The following DSCAM variants were observed in gnomAD, a reference collection of about 807,000 sequenced individuals.
DSCAM encodes the protein cell adhesion molecule DSCAM.
DSCAM carries 47 observed loss-of-function variants against 217.7 expected under a neutral mutation model. That is an observed-to-expected ratio of 0.22 (90% CI 0.17 to 0.28). The LOEUF (loss-of-function observed/expected upper bound fraction) is 0.28. DSCAM is among the 10% of genes least tolerant of loss of function. The pLI, the probability that DSCAM is intolerant of heterozygous loss-of-function variation, is 1.00. For missense variants in DSCAM, 2,080 were observed against 2,618.3 expected, an observed-to-expected ratio of 0.79 and a Z score of 4.49; for synonymous variants, 1,056 against 1,015.3, an observed-to-expected ratio of 1.04 and a Z score of -0.76.
chr21:40,420,521 T>C lies in DSCAM; in HGVS notation c.509-51276A>G, dbSNP rs151133140. Among the ~76,000 whole-genome samples the C allele has an allele frequency of 1.7e-3, 254 of 151,330 alleles. 1 individual carries two copies. Among genetic ancestry groups the C allele is most frequent in the Middle Eastern group, 6.8e-3 (2 of 292 alleles). ...GCAGGAAGGTCAGGATTCAGGAGAGTTGGTTTGAACCAAGTATCTATGGTG... is the reference window on the plus strand; with the variant it reads ...GCAGGAAGGTCAGGATTCAGGAGAGCTGGTTTGAACCAAGTATCTATGGTG... On this transcript the variant is annotated intron_variant, in intron 3 of 32. Coordinates refer to ENST00000400454, the MANE Select transcript of DSCAM (RefSeq NM_001389.5).
chr21:40,316,156 A>C (rs1248447326), intron 8 of DSCAM, among the ~76,000 whole-genome samples: 2 of 152,256 alleles, frequency 1.3e-5, no homozygotes, highest in African/African-American at 4.8e-5. Flanking sequence ...TGGTTAAAAT[A>C]AATATTAAAG....
chr21:40,078,061 T>A (rs2089394202), intron 26 of DSCAM, among the ~76,000 whole-genome samples: 1 of 152,160 alleles, frequency 6.6e-6, no homozygotes, highest in South Asian at 2.1e-4. Flanking sequence ...CCAGAAAAAA[T>A]GAGTGAGATT....
At chr21:40,530,761 C>T (rs181873373) in intron 3 of DSCAM, among the ~76,000 whole-genome samples, 13 of 152,242 alleles carry the variant, frequency 8.5e-5, no homozygotes, top group Admixed American at 2.0e-4. Context: ...TTCCACCACC[C>T]ACCCCATCGC....
At chr21:40,827,313 T>A (rs990979478) in intron 1 of DSCAM, among the ~76,000 whole-genome samples, 11 of 150,700 alleles carry the variant, frequency 7.3e-5, no homozygotes, top group Non-Finnish European at 1.5e-5. Context: ...TGCAAAAAAA[T>A]TAAAAATTAG....
intron 1 of DSCAM, among the ~76,000 whole-genome samples, chr21:40,790,245 A>C (rs2091629759): frequency 6.8e-6 from 1 of 146,998 alleles, no homozygotes; most frequent in African/African-American, 2.5e-5. Context: ...GCAGTGGCGC[A>C]ATCTCGGCTC....
At chr21:40,245,027 C>T (rs922549765) in intron 11 of DSCAM, among the ~76,000 whole-genome samples, 4 of 152,160 alleles carry the variant, frequency 2.6e-5, no homozygotes, top group Admixed American at 6.5e-5. Flanking sequence ...TCCTGCTTCC[C>T]CCAGTCACCT....
At chr21:40,521,778 C>T (rs994470401) in intron 3 of DSCAM, among the ~76,000 whole-genome samples, 6 of 152,010 alleles carry the variant, frequency 3.9e-5, no homozygotes, top group African/African-American at 1.5e-4. Context: ...GAAGTGCTGG[C>T]GTTCTGTTGC....
intron 1 of DSCAM, among the ~76,000 whole-genome samples, chr21:40,733,153 G>A (rs1180512333): frequency 6.6e-6 from 1 of 152,210 alleles, no homozygotes; most frequent in Non-Finnish European, 1.5e-5. Context: ...AAAAGGCCAG[G>A]TAGTTGCTGC....
At chr21:40,703,621 T>C (rs757312483) in intron 2 of DSCAM, among the ~76,000 whole-genome samples, 5 of 152,238 alleles carry the variant, frequency 3.3e-5, no homozygotes, top group South Asian at 2.1e-4. Flanking sequence ...GTGTGTAATA[T>C]GCCTTTCTTC....
At chr21:40,122,784 C>T (rs2090048950) in intron 20 of DSCAM, among the ~76,000 whole-genome samples, 1 of 152,146 alleles carries the variant, frequency 6.6e-6, no homozygotes, top group Admixed American at 6.5e-5. Context: ...GTAGAGAACA[C>T]ACCTTGCTTT....
At chr21:40,781,992 CAAAAAAAAA>C (rs57750960) in intron 1 of DSCAM, among the ~76,000 whole-genome samples, 3 of 106,400 alleles carry the variant, frequency 2.8e-5, no homozygotes, top group South Asian at 6.9e-4. Context: ...ACTAAAAATA[CAAAAAAAAA>C]AAAAAAAAAG....
chr21:40,701,866 T>A (rs2090660279), intron 2 of DSCAM, among the ~76,000 whole-genome samples: 1 of 152,160 alleles, frequency 6.6e-6, no homozygotes. Flanking sequence ...TATTAGTAAA[T>A]GTCTGTGTGT....
chr21:40,339,436 G>A, intron 6 of DSCAM, 21 bp from the exon 7 acceptor site: 1 of 1,572,926 alleles, frequency 6.4e-7, no homozygotes, highest in Non-Finnish European at 8.6e-7. Context: ...ACAAATTATG[G>A]AAGAAAGTGG....
chr21:40,108,537 T>C (rs2089851961), intron 20 of DSCAM, among the ~76,000 whole-genome samples: 1 of 152,224 alleles, frequency 6.6e-6, no homozygotes, highest in African/African-American at 2.4e-5. Flanking sequence ...TTCATGCTCA[T>C]GAATAGGAAG....
intron 1 of DSCAM, among the ~76,000 whole-genome samples, chr21:40,778,149 T>C (rs569042146): frequency 1.3e-5 from 2 of 152,216 alleles, no homozygotes; most frequent in Admixed American, 1.3e-4. Flanking sequence ...CTAAAGGATA[T>C]GCTTCAAGAA....
intron 3 of DSCAM, among the ~76,000 whole-genome samples, chr21:40,456,010 G>T (rs1050241628): frequency 6.6e-6 from 1 of 151,998 alleles, no homozygotes; most frequent in East Asian, 1.9e-4. Flanking sequence ...AATGGGTGCA[G>T]CACACCAACA....
At chr21:40,594,365 G>A (rs1032387964) in intron 3 of DSCAM, among the ~76,000 whole-genome samples, 2 of 152,140 alleles carry the variant, frequency 1.3e-5, no homozygotes, top group East Asian at 1.9e-4. Flanking sequence ...TCACAATAGC[G>A]GACAGGAACC....
rs547703925 is a variant in DSCAM, at chr21:40,070,427, GAA to G, written c.4888+4608_4888+4609del. Among the ~76,000 whole-genome samples, 77 of 151,924 alleles carry G rather than the reference GAA, an allele frequency of 5.1e-4. 1 individual carries two copies. The highest frequency in any genetic ancestry group is 1.7e-3 in the African/African-American group (71 of 41,360). ...AAAGAAAAGAAAAGAAAAAGAAAGA[GAA>G]AGAAAGACAAAGAGAAAGAAAGAAA... On this transcript the variant is annotated intron_variant, in intron 27 of 32. Coordinates refer to ENST00000400454, the MANE Select transcript of DSCAM (RefSeq NM_001389.5).
chr21:40,030,274 C>T (rs899183602), intron 32 of DSCAM, among the ~76,000 whole-genome samples: 1 of 152,116 alleles, frequency 6.6e-6, no homozygotes, highest in South Asian at 2.1e-4. Context: ...GTTTTGGGAA[C>T]TGAGGATGCA....
Sources: gnomAD v4.1 joint callset for allele counts (sites outside exome capture counted in the v4.1 genomes callset) on GRCh38, gnomAD v4.1.1 for gene constraint, MANE v1.5 for transcripts, NCBI Gene and HGNC (gene_info 2026-07-23, HGNC 2026-07-21) for gene names.